SHISA9: variants seen among roughly 807,000 people sequenced by gnomAD.
SHISA9 encodes shisa family member 9.
Under a neutral mutation model 38.0 loss-of-function variants are expected in SHISA9, and 13 were observed. The ratio of observed to expected loss-of-function variants is 0.34; its 90% CI spans 0.22 to 0.54. The LOEUF is 0.54. Ranked by LOEUF, SHISA9 falls within the 20% of genes least tolerant of loss-of-function variation. The probability of loss-of-function intolerance (pLI) is 0.91; values close to 1 mark genes in which losing one functional copy is unlikely to be tolerated. For missense variants in SHISA9, 538 were observed against 575.8 expected (o/e 0.93, Z 0.67); for synonymous variants, 275 against 242.0 (o/e 1.14, Z -1.27).
chr16:13,487,556 C>G, the SHISA9 span, among the ~76,000 whole-genome samples: 1 of 152,218 alleles, frequency 6.6e-6, no homozygotes, highest in African/African-American at 2.4e-5. Flanking sequence ...CCTTTCATGA[C>G]GGATCTGCCC....
intron 2 of SHISA9, among the ~76,000 whole-genome samples, chr16:13,115,340 A>T (rs931309895): frequency 5.3e-5 from 8 of 152,246 alleles, no homozygotes; most frequent in African/African-American, 1.9e-4. Flanking sequence ...TTTACCCACT[A>T]TTTATTAACA....
the SHISA9 span, among the ~76,000 whole-genome samples, chr16:13,316,989 T>A: frequency 6.6e-6 from 1 of 152,186 alleles, no homozygotes; most frequent in Non-Finnish European, 1.5e-5. Flanking sequence ...GTGTTCCTTC[T>A]CTCCCTTTCC....
chr16:13,304,011 A>G, the SHISA9 span, among the ~76,000 whole-genome samples: 1 of 152,148 alleles, frequency 6.6e-6, no homozygotes, highest in Non-Finnish European at 1.5e-5. Context: ...AACCCATTGG[A>G]AATTAAAAAA....
chr16:12,936,124 C>T (rs1047921077), intron 2 of SHISA9, among the ~76,000 whole-genome samples: 2 of 152,086 alleles, frequency 1.3e-5, no homozygotes, highest in African/African-American at 2.4e-5. Flanking sequence ...GATGTCCCTT[C>T]GCTAGCAGGT....
At chr16:13,281,322 T>C in the SHISA9 span, among the ~76,000 whole-genome samples, 1 of 151,868 alleles carries the variant, frequency 6.6e-6, no homozygotes, top group African/African-American at 2.4e-5. Context: ...TTCTTATTAA[T>C]ATGTTTTTCT....
chr16:13,012,033 C>T (rs369397746), intron 2 of SHISA9, among the ~76,000 whole-genome samples: 9 of 151,912 alleles, frequency 5.9e-5, no homozygotes, highest in Non-Finnish European at 1.2e-4. Flanking sequence ...GCCATGTTGG[C>T]CAGGCTTGTC....
At chr16:13,556,138 GTTTA>G in the SHISA9 span, among the ~76,000 whole-genome samples, 1 of 152,124 alleles carries the variant, frequency 6.6e-6, no homozygotes, top group Non-Finnish European at 1.5e-5. Flanking sequence ...CAGGACGTGT[GTTTA>G]TTTATTTCTC....
chr16:12,927,629 G>A (rs1260871425), intron 2 of SHISA9, among the ~76,000 whole-genome samples: 4 of 149,654 alleles, frequency 2.7e-5, no homozygotes, highest in South Asian at 2.1e-4. Flanking sequence ...GACTGAGCTC[G>A]AGCTCCTGGA....
the SHISA9 span, among the ~76,000 whole-genome samples, chr16:13,551,633 A>G: frequency 1.3e-5 from 2 of 152,222 alleles, no homozygotes; most frequent in East Asian, 1.9e-4. Context: ...CATGCATACA[A>G]TCATTACTCC....
At chr16:13,468,175 T>C in the SHISA9 span, among the ~76,000 whole-genome samples, 2 of 152,206 alleles carry the variant, frequency 1.3e-5, no homozygotes, top group African/African-American at 4.8e-5. Context: ...TGTTCTTATA[T>C]TTCAAGAGGC....
chr16:13,014,419 T>A (rs2072716826), intron 2 of SHISA9, among the ~76,000 whole-genome samples: 1 of 152,220 alleles, frequency 6.6e-6, no homozygotes, highest in Non-Finnish European at 1.5e-5. Flanking sequence ...CTGATGGCAG[T>A]TTGGGAAGGG....
the SHISA9 span, among the ~76,000 whole-genome samples, chr16:13,434,941 A>G: frequency 1.3e-5 from 2 of 152,258 alleles, no homozygotes; most frequent in Non-Finnish European, 2.9e-5. Flanking sequence ...TTCAGAATGC[A>G]CTGTGAGCAG....
At chr16:13,267,325 A>G in the SHISA9 span, among the ~76,000 whole-genome samples, 1 of 152,190 alleles carries the variant, frequency 6.6e-6, no homozygotes, top group South Asian at 2.1e-4. Context: ...AATCAAAGAA[A>G]TGCAAATTAA....
chr16:13,461,205 C>T, the SHISA9 span, among the ~76,000 whole-genome samples: 1 of 152,200 alleles, frequency 6.6e-6, no homozygotes. Context: ...CTCTTAGTGT[C>T]CTCAAAGACT....
chr16:12,938,456 A>T (rs1348460846), intron 2 of SHISA9, among the ~76,000 whole-genome samples: 1 of 151,950 alleles, frequency 6.6e-6, no homozygotes, highest in East Asian at 1.9e-4. Flanking sequence ...TCTCCAAGTC[A>T]GCTTACATTT....
chr16:13,024,168 C>T (rs1372159860), intron 2 of SHISA9, among the ~76,000 whole-genome samples: 1 of 152,232 alleles, frequency 6.6e-6, no homozygotes, highest in African/African-American at 2.4e-5. Context: ...AGCTCAAGCA[C>T]CTACAGAACA....
chr16:12,974,016 G>A (rs569937312), intron 2 of SHISA9, among the ~76,000 whole-genome samples: 148 of 152,214 alleles, frequency 9.7e-4, no homozygotes, highest in African/African-American at 3.4e-3. Flanking sequence ...GCCCAGAGTG[G>A]GCTGAAGACA....
chr16:13,444,018 C>T, the SHISA9 span, among the ~76,000 whole-genome samples: 1 of 152,158 alleles, frequency 6.6e-6, no homozygotes, highest in African/African-American at 2.4e-5. Context: ...TTTACAAAAC[C>T]ATCTTAGAAG....
chr16:12,966,998 TA>T (rs2071988178), intron 2 of SHISA9, among the ~76,000 whole-genome samples: 1 of 152,110 alleles, frequency 6.6e-6, no homozygotes, highest in African/African-American at 2.4e-5. Flanking sequence ...CAGAAATGAA[TA>T]AGACATGGTC....
Sources: gnomAD v4.1 joint callset for allele counts (sites outside exome capture counted in the v4.1 genomes callset) on GRCh38, gnomAD v4.1.1 for gene constraint, MANE v1.5 for transcripts, NCBI Gene and HGNC (gene_info 2026-07-23, HGNC 2026-07-21) for gene names.